The following NAA16 variants were observed in gnomAD, a reference collection of about 807,000 sequenced individuals.
The protein encoded by NAA16 is N-alpha-acetyltransferase 16, NatA auxiliary subunit, also known as NARG1-like protein.
A neutral mutation model predicts 110.3 loss-of-function variants in NAA16; 97 were observed. That is an observed-to-expected ratio of 0.88 (90% CI 0.75 to 1.04). NAA16 has a LOEUF of 1.04. Among genes scored for constraint, NAA16 ranks in the 50% least tolerant of loss-of-function variants. The pLI is 0.00. For missense variants in NAA16, 1,017 were observed against 1,005.1 expected (o/e 1.01, Z -0.16); for synonymous variants, 372 against 330.6 (o/e 1.13, Z -1.36).
chr13:41,330,032 T>A (rs2042194040), intron 7 of NAA16, among the ~76,000 whole-genome samples: 1 of 151,962 alleles, frequency 6.6e-6, no homozygotes, highest in Non-Finnish European at 1.5e-5. Flanking sequence ...GATAATTTTT[T>A]TTTTTCATAC....
chr13:41,368,702 CT>C (rs1013790215), intron 14 of NAA16, among the ~76,000 whole-genome samples: 10 of 152,142 alleles, frequency 6.6e-5, no homozygotes, highest in Admixed American at 6.5e-4. Flanking sequence ...CATGTCCAGA[CT>C]TTTTTTCTTG....
chr13:41,331,753 A>G (rs1344587194), intron 8 of NAA16, among the ~76,000 whole-genome samples: 1 of 152,072 alleles, frequency 6.6e-6, no homozygotes, highest in Non-Finnish European at 1.5e-5. Flanking sequence ...TGTAGTTAAC[A>G]ACAATATACT....
intron 9 of NAA16, among the ~76,000 whole-genome samples, chr13:41,351,963 G>A (rs1328094292): frequency 2.0e-5 from 3 of 152,138 alleles, no homozygotes; most frequent in Non-Finnish European, 2.9e-5. Flanking sequence ...AAACTTGAGC[G>A]AAATAAGTCT....
At chr13:41,328,470 G>GT (rs1236597037) in intron 6 of NAA16, among the ~76,000 whole-genome samples, 11 of 152,216 alleles carry the variant, frequency 7.2e-5, no homozygotes, top group African/African-American at 1.4e-4. Flanking sequence ...TAATGCAAAA[G>GT]TTTTTTTACT....
chr13:41,372,581 GACTTTGAT>G, intron 16 of NAA16, 143 bp from the exon 17 acceptor site: 1 of 1,324,490 alleles, frequency 7.6e-7, no homozygotes, highest in Non-Finnish European at 9.6e-7. Flanking sequence ...AGCCATAGTT[GACTTTGAT>G]AGCCAGAGTC....
chr13:41,375,357 C>A, intron 19 of NAA16, 48 bp from the exon 20 acceptor site: 1 of 1,395,384 alleles, frequency 7.2e-7, no homozygotes, highest in South Asian at 1.2e-5. Flanking sequence ...TTATTAACTG[C>A]GAGCTTATTA....
chr13:41,347,124 G>A (rs1048854973), intron 9 of NAA16, among the ~76,000 whole-genome samples: 1 of 151,426 alleles, frequency 6.6e-6, no homozygotes, highest in African/African-American at 2.4e-5. Flanking sequence ...GCTGAGGCAG[G>A]AGAATCACTT....
At chr13:41,340,389 C>G (rs1401050948) in intron 9 of NAA16, among the ~76,000 whole-genome samples, 3 of 151,856 alleles carry the variant, frequency 2.0e-5, no homozygotes, top group Admixed American at 6.6e-5. Flanking sequence ...ATTTGTTTGC[C>G]CTTGCTTCTC....
At position 41,358,434 on chromosome 13, in the gene NAA16, T is replaced by G; in HGVS notation, c.1218T>G (p.Thr406=). The change falls in exon 11 of 20, where the codon ACT becomes ACG. Residue 406 remains threonine, a synonymous_variant. Transcript: ENST00000379406. ...YINAAIASTP[T]LIELFYMKAK... Reference sequence around the variant, plus strand: ...ATGCTGCAATTGCTAGTACTCCAACTCTAATAGAATTATTCTATATGAAAG... The same window carrying G: ...ATGCTGCAATTGCTAGTACTCCAACGCTAATAGAATTATTCTATATGAAAG... The G allele has an allele frequency of 6.2e-7, 1 of 1,613,382 alleles. No homozygotes were observed. Among genetic ancestry groups the G allele is most frequent in the Non-Finnish European group, 8.5e-7 (1 of 1,179,330 alleles).
At chr13:41,368,407 A>G (rs552649912) in intron 14 of NAA16, among the ~76,000 whole-genome samples, 2 of 151,440 alleles carry the variant, frequency 1.3e-5, no homozygotes, top group African/African-American at 2.5e-5. Flanking sequence ...TGAGAAGGAC[A>G]AAGTGATTTG....
chr13:41,351,614 A>G (rs564041588), intron 9 of NAA16, among the ~76,000 whole-genome samples: 17 of 152,356 alleles, frequency 1.1e-4, no homozygotes, highest in African/African-American at 4.1e-4. Context: ...GTCACCAAGG[A>G]CATACTTTAG....
intron 16 of NAA16, 41 bp downstream of exon 16, chr13:41,372,352 A>G: frequency 6.5e-7 from 1 of 1,543,564 alleles, no homozygotes; most frequent in South Asian, 1.3e-5. Context: ...CTTTAATTAT[A>G]TTTGTGACCA....
At chr13:41,317,938 A>G (rs1441345267) in intron 2 of NAA16, among the ~76,000 whole-genome samples, 2 of 152,176 alleles carry the variant, frequency 1.3e-5, no homozygotes, top group Non-Finnish European at 2.9e-5. Context: ...ACCATCATCC[A>G]GTGTTGTGCT....
At chr13:41,326,175 T>C in intron 6 of NAA16, among the ~76,000 whole-genome samples, 1 of 152,284 alleles carries the variant, frequency 6.6e-6, no homozygotes, top group East Asian at 1.9e-4. Context: ...TATCTCTGTA[T>C]ATCCATATAT....
rs1270043786 is a variant in NAA16, at chr13:41,369,251, A to G, written c.1915A>G (p.Lys639Glu). The G allele has an allele frequency of 1.3e-6, 2 of 1,581,258 alleles. No individual in the cohort carries two copies. Residue 639 changes from lysine to glutamate, a missense_variant, in exon 15 of 20, where the codon AAG becomes GAG. Transcript: ENST00000379406. ...AGAAGAAGAAGAAGCCAGTGGCCTTAAGGAAGAACTTATACCTGAAAAATT... is the reference window on the plus strand; with the variant it reads ...AGAAGAAGAAGAAGCCAGTGGCCTTGAGGAAGAACTTATACCTGAAAAATT... ...DEEEEEASGL[K>E]EELIPEKLER...
At chr13:41,333,781 A>G (rs541416999) in intron 8 of NAA16, among the ~76,000 whole-genome samples, 3 of 152,034 alleles carry the variant, frequency 2.0e-5, no homozygotes, top group South Asian at 2.1e-4. Context: ...TAAGTTTACT[A>G]AAAGCCCTCA....
intron 8 of NAA16, 132 bp from the exon 9 acceptor site, chr13:41,336,518 C>T: frequency 1.8e-6 from 1 of 560,884 alleles, no homozygotes; most frequent in Admixed American, 3.5e-5. Context: ...TTACTTAAAA[C>T]TATGACTTTT....
chr13:41,348,751 T>TA (rs1432657823), intron 9 of NAA16, among the ~76,000 whole-genome samples: 1 of 152,198 alleles, frequency 6.6e-6, no homozygotes, highest in Non-Finnish European at 1.5e-5. Flanking sequence ...TGGTAGAACT[T>TA]ACCATTTACC....
intron 9 of NAA16, among the ~76,000 whole-genome samples, chr13:41,340,618 T>G (rs1160219118): frequency 6.9e-6 from 1 of 145,610 alleles, no homozygotes; most frequent in Non-Finnish European, 1.5e-5. Context: ...GGTTGTTCAG[T>G]TTCCATATAG....
Sources: allele counts gnomAD v4.1 joint callset (sites outside exome capture counted in the v4.1 genomes callset), GRCh38; gene constraint gnomAD v4.1.1; transcripts MANE v1.5; gene names NCBI Gene and HGNC (gene_info 2026-07-23, HGNC 2026-07-21).